Variants in TBC1D5 observed in about 807,000 individuals in gnomAD.
TBC1D5 encodes the protein TBC1 domain family member 5.
In TBC1D5, 75 loss-of-function variants were observed where a neutral mutation model predicts 100.3. That is an observed-to-expected ratio of 0.75 (90% CI 0.62 to 0.91). TBC1D5 has a LOEUF of 0.91. TBC1D5 is among the 40% of genes least tolerant of loss of function. The probability of loss-of-function intolerance (pLI) is 0.00; values close to 1 mark genes in which losing one functional copy is unlikely to be tolerated. For synonymous variants in TBC1D5, 323 were observed against 325.6 expected (o/e 0.99, Z 0.09); for missense variants, 910 against 942.4 (o/e 0.97, Z 0.45).
rs1453654194 is a variant in TBC1D5 at position 17,538,475 on chromosome 3, A to C, written c.-35-29870T>G. Among the ~76,000 whole-genome samples, 4 of 152,310 alleles carry C rather than the reference A, an allele frequency of 2.6e-5. No homozygotes were observed. In the East Asian group the frequency reaches 5.8e-4, roughly 22 times the overall value. ...TCCCAAGTCAAGGGATGAACAGGGC[A>C]CTTGGATCTTGCAAGTCACCTGCTT... On this transcript the variant is annotated intron_variant, in intron 2 of 21. Transcript: ENST00000253692.
intron 16 of TBC1D5, among the ~76,000 whole-genome samples, chr3:17,239,635 A>T (rs571328749): frequency 1.3e-5 from 2 of 152,108 alleles, no homozygotes; most frequent in Non-Finnish European, 2.9e-5. Context: ...GTCTATTCTT[A>T]TTTGACTCTA....
At chr3:17,223,774 C>A (rs1476489602) in intron 17 of TBC1D5, among the ~76,000 whole-genome samples, 2 of 151,948 alleles carry the variant, frequency 1.3e-5, no homozygotes, top group Non-Finnish European at 2.9e-5. Flanking sequence ...AGGAGAATCA[C>A]TTGAACCCTG....
intron 14 of TBC1D5, among the ~76,000 whole-genome samples, chr3:17,292,381 C>T (rs2081851589): frequency 1.3e-5 from 2 of 150,836 alleles, no homozygotes; most frequent in Non-Finnish European, 3.0e-5. Context: ...GGAAAAGAAC[C>T]AGTTTAAGAT....
chr3:17,493,713 A>T (rs548306793), intron 3 of TBC1D5, among the ~76,000 whole-genome samples: 1 of 152,246 alleles, frequency 6.6e-6, no homozygotes, highest in Non-Finnish European at 1.5e-5. Flanking sequence ...CACTTGGTGG[A>T]TATGGCTACT....
intron 3 of TBC1D5, among the ~76,000 whole-genome samples, chr3:17,471,738 A>T (rs1425022360): frequency 6.6e-6 from 1 of 151,978 alleles, no homozygotes; most frequent in Non-Finnish European, 1.5e-5. Context: ...TACACACAAT[A>T]CCATGTAATT....
chr3:17,625,171 T>TCCA (rs1301880817), intron 1 of TBC1D5, among the ~76,000 whole-genome samples: 2 of 151,998 alleles, frequency 1.3e-5, no homozygotes, highest in African/African-American at 4.8e-5. Flanking sequence ...TCCACCTATA[T>TCCA]CCATCAAAAT....
At chr3:17,592,395 G>A (rs560913703) in intron 2 of TBC1D5, among the ~76,000 whole-genome samples, 1 of 152,110 alleles carries the variant, frequency 6.6e-6, no homozygotes, top group African/African-American at 2.4e-5. Context: ...TAAAATTCAG[G>A]GACTTTCTAC....
At chr3:17,166,210 G>A (rs1002938700) in intron 21 of TBC1D5, among the ~76,000 whole-genome samples, 18 of 152,008 alleles carry the variant, frequency 1.2e-4, no homozygotes, top group African/African-American at 4.3e-4. Context: ...AAAAAAAGCA[G>A]TATGTGACAC....
At chr3:17,291,348 C>A (rs2081720832) in intron 15 of TBC1D5, among the ~76,000 whole-genome samples, 1 of 152,146 alleles carries the variant, frequency 6.6e-6, no homozygotes, top group Non-Finnish European at 1.5e-5. Context: ...TTGCTTTACG[C>A]TCAAATAGAG....
chr3:17,313,105 CGAT>C (rs975122207), intron 13 of TBC1D5, among the ~76,000 whole-genome samples: 15 of 152,088 alleles, frequency 9.9e-5, no homozygotes, highest in African/African-American at 3.4e-4. Context: ...TGTATGAACA[CGAT>C]GCACTCTCTG....
At chr3:17,729,268 A>T (rs1240715359) in intron 1 of TBC1D5, among the ~76,000 whole-genome samples, 1 of 151,088 alleles carries the variant, frequency 6.6e-6, no homozygotes, top group Non-Finnish European at 1.5e-5. Flanking sequence ...TATTACACAT[A>T]CCCTCTCATA....
At chr3:17,227,464 C>A (rs1034562385) in intron 17 of TBC1D5, among the ~76,000 whole-genome samples, 2 of 152,020 alleles carry the variant, frequency 1.3e-5, no homozygotes, top group Non-Finnish European at 2.9e-5. Context: ...GATCAATTAT[C>A]AAATTTTTTC....
chr3:17,481,469 C>A (rs2095501254), intron 3 of TBC1D5, among the ~76,000 whole-genome samples: 1 of 152,196 alleles, frequency 6.6e-6, no homozygotes, highest in Admixed American at 6.5e-5. Context: ...TAGCCCATGA[C>A]AACTTAAGCC....
At chr3:17,723,182 A>T (rs2075841909) in intron 1 of TBC1D5, among the ~76,000 whole-genome samples, 1 of 152,174 alleles carries the variant, frequency 6.6e-6, no homozygotes, top group Admixed American at 6.6e-5. Flanking sequence ...GTGTAATTTG[A>T]TTGTTTGTAA....
chr3:17,383,915 G>GT lies in TBC1D5; in HGVS notation c.609dup (p.Gln204ThrfsTer17). The GT allele has an allele frequency of 6.3e-7, 1 of 1,595,802 alleles. No individual in the cohort carries two copies. The highest frequency in any genetic ancestry group is 8.6e-7 in the Non-Finnish European group (1 of 1,167,302). On this transcript the variant is annotated frameshift_variant, in exon 9 of 22. Transcript: ENST00000253692. LOFTEE classifies it high-confidence loss of function. ...CACCTGTAAGATATTTTCATTACCT[G>GT]TTTATAAAGCAACTGCTCGTTTTCT...
intron 9 of TBC1D5, among the ~76,000 whole-genome samples, chr3:17,377,600 C>T (rs17043523): frequency 0.029 from 4,467 of 151,954 alleles, 219 homozygotes; most frequent in African/African-American, 0.1. Context: ...AAATAAAATA[C>T]GAAAGCAGAG....
At chr3:17,596,076 T>C (rs745785810) in intron 2 of TBC1D5, among the ~76,000 whole-genome samples, 1 of 152,098 alleles carries the variant, frequency 6.6e-6, no homozygotes, top group Non-Finnish European at 1.5e-5. Flanking sequence ...GTATAGAGAA[T>C]GGCAGGTCAT....
chr3:17,563,262 A>T (rs1403308837), intron 2 of TBC1D5, among the ~76,000 whole-genome samples: 1 of 152,230 alleles, frequency 6.6e-6, no homozygotes, highest in Non-Finnish European at 1.5e-5. Flanking sequence ...AAGAAAAGCG[A>T]CATCAAATAG....
At chr3:17,641,557 G>C (rs996286137) in intron 1 of TBC1D5, among the ~76,000 whole-genome samples, 2 of 152,096 alleles carry the variant, frequency 1.3e-5, no homozygotes, top group African/African-American at 4.8e-5. Context: ...CTAACACTTA[G>C]AGCTTATTCA....
Sources: allele counts gnomAD v4.1 joint callset (sites outside exome capture counted in the v4.1 genomes callset), GRCh38; gene constraint gnomAD v4.1.1; transcripts MANE v1.5; gene names NCBI Gene and HGNC (gene_info 2026-07-23, HGNC 2026-07-21).